AP1B1: variants seen among roughly 807,000 people sequenced by gnomAD.
AP1B1 encodes AP-1 complex subunit beta-1.
Under a neutral mutation model 104.3 loss-of-function variants are expected in AP1B1, and 36 were observed. That is an observed-to-expected ratio of 0.35 (90% confidence interval 0.26 to 0.46). The LOEUF is 0.46. AP1B1 is among the 20% of genes least tolerant of loss of function. The pLI is 1.00. For missense variants in AP1B1, 901 were observed against 1,247.9 expected, an observed-to-expected ratio of 0.72 and a Z score of 4.19; for synonymous variants, 504 against 517.5, an observed-to-expected ratio of 0.97 and a Z score of 0.35.
chr22:29,361,233 C>T (rs2062040540), intron 3 of AP1B1, among the ~76,000 whole-genome samples: 1 of 152,216 alleles, frequency 6.6e-6, no homozygotes, highest in African/African-American at 2.4e-5. Context: ...TTCCAAAGGG[C>T]TCTCTGCAGA....
At chr22:29,357,158 G>A (rs1330013419) in intron 5 of AP1B1, among the ~76,000 whole-genome samples, 5 of 151,954 alleles carry the variant, frequency 3.3e-5, no homozygotes, top group Non-Finnish European at 7.4e-5. Flanking sequence ...CCACCTCTTG[G>A]GTTCAAGTGA....
Position 29,328,623 on chromosome 22 carries a change from G to C in AP1B1, c.*198C>G, listed in dbSNP as rs1475248444. 2 of 616,058 alleles carry C rather than the reference G, an allele frequency of 3.2e-6. No individual in the cohort carries two copies. Among genetic ancestry groups the C allele is most frequent in the African/African-American group, 3.7e-5 (2 of 53,894 alleles). The allele number at this position is 616,058 out of a possible 1,614,324, so 38.2% of individuals were successfully genotyped here. Reference sequence around the variant, plus strand: ...GGAGCAGGGGTGTCCCAGAGCACGGGAGTGCACTGCGCTCTCACCCCAGGA... The same window carrying C: ...GGAGCAGGGGTGTCCCAGAGCACGGCAGTGCACTGCGCTCTCACCCCAGGA... On this transcript the variant is annotated 3_prime_UTR_variant, in exon 23 of 23. Coordinates refer to ENST00000357586, the MANE Select transcript of AP1B1 (RefSeq NM_001127.4). This position sits in a 1 kb window ranked among gnomAD's most constrained non-coding sequence, Gnocchi z 4.1.
Position 29,331,911 on chromosome 22 carries a change from C to A in AP1B1, c.2315G>T (p.Gly772Val), listed in dbSNP as rs1270787153. The change falls in exon 18 of 23, where the codon GGC (glycine) becomes GTC (valine). Residue 772 changes from glycine (G) to valine (V), a missense_variant. Gly to Val is a moderately radical substitution (Grantham distance 109). Around this residue, in one of 3 missense-constraint regions of AP1B1, gnomAD observed 424 missense variants for 494.0 expected, o/e 0.86. Transcript: ENST00000357586. ...CTGGAGGGGGGCGGCGGGGGCCAGG[C>A]CAAAGCTGGGGAGAGAGAAGCCCCA... ...FAIQFNRNSF[G>V]LAPAAPLQVH... 6.2e-7 allele frequency: 1 copy of A among 1,609,460 alleles called. No individual in the cohort carries two copies.
Position 29,362,925 on chromosome 22 carries a change from G to T in AP1B1, c.143+76C>A. 3.8e-6 allele frequency: 3 copies of T among 799,440 alleles called. No homozygotes were observed. In the Admixed American group the frequency reaches 5.2e-5, roughly 14 times the overall value. 49.5% of individuals were successfully genotyped at this position (799,440 alleles called of 1,614,324 possible). On this transcript the variant is annotated intron_variant, in intron 3 of 22. Coordinates refer to ENST00000357586, the MANE Select transcript of AP1B1 (RefSeq NM_001127.4). ...GGGTCCCTAGACACCCTAAAGGAGA[G>T]ACTGAAGTGGACCCAAGCTATAAAC...
intron 1 of AP1B1, among the ~76,000 whole-genome samples, chr22:29,382,183 A>G (rs2062446868): frequency 6.6e-6 from 1 of 152,066 alleles, no homozygotes; most frequent in Non-Finnish European, 1.5e-5. Flanking sequence ...CCTCCTGAGT[A>G]GCTGGGACTA....
chr22:29,371,744 C>G (rs1188331797), intron 1 of AP1B1, among the ~76,000 whole-genome samples: 1 of 151,694 alleles, frequency 6.6e-6, no homozygotes, highest in Non-Finnish European at 1.5e-5. Flanking sequence ...AAAAAGCCAG[C>G]AAATTTAGGC....
chr22:29,357,959 T>C (rs574952232), intron 5 of AP1B1, among the ~76,000 whole-genome samples: 43 of 152,184 alleles, frequency 2.8e-4, no homozygotes, highest in African/African-American at 1.0e-3. Flanking sequence ...GTGCTGGGAT[T>C]ACAGGCGTGA....
At chr22:29,330,752 A>C (rs762554974) in intron 19 of AP1B1, 43 bp from the exon 20 acceptor site, 2 of 1,535,318 alleles carry the variant, frequency 1.3e-6, no homozygotes, top group South Asian at 2.3e-5. Flanking sequence ...AGCCCCTCAT[A>C]AACCTGTGGG....
chr22:29,332,064 A>C, intron 17 of AP1B1, 148 bp from the exon 18 acceptor site: 1 of 787,088 alleles, frequency 1.3e-6, no homozygotes, highest in Non-Finnish European at 1.9e-6. Context: ...CCTGGACAGA[A>C]GGATGGGCTG....
rs1201257703 is a variant in AP1B1, at chr22:29,341,818, G to C, written c.1537-58C>G. On this transcript the variant is annotated intron_variant, in intron 12 of 22. Coordinates refer to ENST00000357586, the MANE Select transcript of AP1B1 (RefSeq NM_001127.4). ...AGAGTAGCCAGGTGAGAAGGGAGGA[G>C]ACCTTCCTGCAGCCATGAGCCAGGT... The C allele has an allele frequency of 2.6e-6, 4 of 1,547,470 alleles. No homozygotes were observed. In the Admixed American group the frequency reaches 7.4e-5, roughly 29 times the overall value.
chr22:29,352,102 A>G (rs953602412), intron 7 of AP1B1, among the ~76,000 whole-genome samples: 4 of 152,194 alleles, frequency 2.6e-5, no homozygotes, highest in African/African-American at 4.8e-5. Flanking sequence ...AGCAGGCCCC[A>G]TGGGACGGGC....
At chr22:29,329,435 G>A in intron 22 of AP1B1, 1 of 1,343,368 alleles carries the variant, frequency 7.4e-7, no homozygotes, top group Non-Finnish European at 9.5e-7. Flanking sequence ...CTAAAGCACT[G>A]GTTCTGCAGG....
chr22:29,360,804 A>C, intron 3 of AP1B1, among the ~76,000 whole-genome samples: 1 of 152,184 alleles, frequency 6.6e-6, no homozygotes, highest in Non-Finnish European at 1.5e-5. Context: ...TAAGATGTGA[A>C]ATTTGGTTAG....
intron 7 of AP1B1, 112 bp downstream of exon 7, chr22:29,354,538 T>A: frequency 2.0e-6 from 2 of 1,013,928 alleles, no homozygotes; most frequent in Non-Finnish European, 1.5e-6. Context: ...TGGGTTAAGC[T>A]ATTTGAGACT....
intron 21 of AP1B1, chr22:29,329,943 T>G: frequency 1.4e-6 from 2 of 1,423,812 alleles, no homozygotes; most frequent in South Asian, 3.0e-5. Context: ...GGTGCAGGCC[T>G]CCAGGACAAC....
chr22:29,330,195 T>C (rs374137551), intron 21 of AP1B1, 183 bp downstream of exon 21: 1 of 1,453,282 alleles, frequency 6.9e-7, no homozygotes, highest in Non-Finnish European at 9.1e-7. Flanking sequence ...TGGTGTCTTA[T>C]CTGGGTAACC....
intron 1 of AP1B1, among the ~76,000 whole-genome samples, chr22:29,377,714 G>C (rs1172678933): frequency 6.6e-6 from 1 of 151,708 alleles, no homozygotes; most frequent in Non-Finnish European, 1.5e-5. Flanking sequence ...GGAGGATGAG[G>C]CAAGGAGAAT....
chr22:29,332,719 AGTTTGGGCT>A (rs2061580309), intron 17 of AP1B1, among the ~76,000 whole-genome samples: 1 of 152,140 alleles, frequency 6.6e-6, no homozygotes, highest in Non-Finnish European at 1.5e-5. Context: ...TGAGAATCAG[AGTTTGGGCT>A]GTCTGACCCC....
chr22:29,372,930 A>G (rs1292425723), intron 1 of AP1B1, among the ~76,000 whole-genome samples: 1 of 152,256 alleles, frequency 6.6e-6, no homozygotes, highest in Non-Finnish European at 1.5e-5. Flanking sequence ...GACAACCTTT[A>G]AAAGGAAAGT....
Sources: gnomAD v4.1 joint callset for allele counts (sites outside exome capture counted in the v4.1 genomes callset) on GRCh38, gnomAD v4.1.1 for gene constraint, gnomAD v4.1.1 regional missense constraint, Gnocchi (gnomAD v3.1) non-coding constraint, MANE v1.5 for transcripts, NCBI Gene and HGNC (gene_info 2026-07-23, HGNC 2026-07-21) for gene names.